The following SMYD3 variants were observed in gnomAD, a reference collection of about 807,000 sequenced individuals.
The protein encoded by SMYD3 is histone-lysine N-methyltransferase SMYD3.
SMYD3 carries 36 observed loss-of-function variants against 57.7 expected under a neutral mutation model. The ratio of observed to expected loss-of-function variants is 0.62; its 90% CI spans 0.48 to 0.82. The LOEUF (loss-of-function observed/expected upper bound fraction) is 0.82, where lower values mean the gene tolerates loss of function less well. Ranked by LOEUF, SMYD3 falls within the 40% of genes least tolerant of loss-of-function variation. The pLI is 0.00. For missense variants in SMYD3, 515 were observed against 538.8 expected (o/e 0.96, Z 0.44); for synonymous variants, 211 against 195.0 (o/e 1.08, Z -0.68).
At position 246,125,081 on chromosome 1, in the gene SMYD3, A is replaced by ACACAC. The variant is rs1263823647; in HGVS notation, c.532-195145_532-195144insGTGTG. On this transcript the variant is annotated intron_variant, in intron 5 of 11. Coordinates refer to ENST00000490107, the MANE Select transcript of SMYD3 (RefSeq NM_001167740.2). ...AGCGAGACTCCGTCTCAAAAAAAAA[A>ACACAC]AAAAAAACACACACACACACACACA... is the stretch of plus-strand genomic sequence containing the variant. Among the ~76,000 whole-genome samples, 172 of 109,622 alleles carry ACACAC rather than the reference A, an allele frequency of 1.6e-3. 1 individual carries two copies. The highest frequency in any genetic ancestry group is 4.4e-3 in the African/African-American group (163 of 37,292). 71.9% of individuals were successfully genotyped at this position (109,622 alleles called of 152,430 possible). A position where few individuals can be genotyped will look rare whatever the true frequency, so the allele number is the denominator to read the frequency against.
rs1407001743 is a variant in SMYD3, at chr1:246,312,187, G to C, written c.531+15014C>G. Among the ~76,000 whole-genome samples the C allele has an allele frequency of 2.0e-5, 3 of 152,260 alleles. No individual in the cohort carries two copies. The East Asian group carries it at 5.8e-4, about 29-fold the overall frequency. ...AACGTGGCATGAGATGAAGCTTGCA[G>C]GGTCCTCAAATGCCATACTTAAAAG... On this transcript the variant is annotated intron_variant, in intron 5 of 11. Coordinates refer to ENST00000490107, the MANE Select transcript of SMYD3 (RefSeq NM_001167740.2).
chr1:246,057,588 A>C (rs1320910200), intron 5 of SMYD3, among the ~76,000 whole-genome samples: 1 of 152,228 alleles, frequency 6.6e-6, no homozygotes, highest in Non-Finnish European at 1.5e-5. Context: ...CCAAATCCGG[A>C]ACACTGATAA....
intron 5 of SMYD3, among the ~76,000 whole-genome samples, chr1:246,283,669 AG>A (rs2064498578): frequency 6.6e-6 from 1 of 152,258 alleles, no homozygotes; most frequent in Non-Finnish European, 1.5e-5. Flanking sequence ...TGCTTCTGTG[AG>A]ACCAGAAGAA....
intron 1 of SMYD3, among the ~76,000 whole-genome samples, chr1:246,479,502 A>ATTTTTTT (rs35818746): frequency 9.3e-5 from 10 of 107,600 alleles, no homozygotes; most frequent in East Asian, 2.7e-4. Flanking sequence ...AAAAAGCGGG[A>ATTTTTTT]TTTTTTTTTT....
At chr1:246,116,022 C>T (rs1327031641) in intron 5 of SMYD3, among the ~76,000 whole-genome samples, 1 of 152,074 alleles carries the variant, frequency 6.6e-6, no homozygotes, top group East Asian at 1.9e-4. Context: ...GCCTGTAATC[C>T]CAAGCTACTT....
At chr1:246,255,983 T>TAGATAGACAGAC (rs1558354035) in intron 5 of SMYD3, among the ~76,000 whole-genome samples, 16 of 138,112 alleles carry the variant, frequency 1.2e-4, no homozygotes, top group South Asian at 7.6e-4. Flanking sequence ...GATAGATAGA[T>TAGATAGACAGAC]AGATACACAC....
intron 5 of SMYD3, among the ~76,000 whole-genome samples, chr1:246,179,546 G>A (rs532933732): frequency 5.9e-5 from 9 of 152,232 alleles, no homozygotes; most frequent in Admixed American, 5.9e-4. Context: ...TTTCTTATGA[G>A]ACAGCTGATT....
At chr1:245,879,052 C>T (rs1012809225) in intron 8 of SMYD3, among the ~76,000 whole-genome samples, 5 of 152,138 alleles carry the variant, frequency 3.3e-5, no homozygotes, top group African/African-American at 1.2e-4. Flanking sequence ...ATCTGAGAAC[C>T]GCTTGCCCAT....
intron 10 of SMYD3, among the ~76,000 whole-genome samples, chr1:245,845,852 C>T (rs570981452): frequency 2.0e-5 from 3 of 152,320 alleles, no homozygotes; most frequent in African/African-American, 7.2e-5. Context: ...GTACAGTGGA[C>T]ATCTATTCTT....
chr1:246,323,388 G>A (rs2065282874), intron 5 of SMYD3, among the ~76,000 whole-genome samples: 1 of 152,152 alleles, frequency 6.6e-6, no homozygotes, highest in Non-Finnish European at 1.5e-5. Context: ...AAATTTTCCA[G>A]GTAAAATTAA....
At chr1:246,060,319 T>A (rs75533901) in intron 5 of SMYD3, among the ~76,000 whole-genome samples, 1 of 151,364 alleles carries the variant, frequency 6.6e-6, no homozygotes, top group Non-Finnish European at 1.5e-5. Flanking sequence ...TTTTTTTTTT[T>A]AAACATTATA....
chr1:246,139,449 T>G (rs1433950956), intron 5 of SMYD3, among the ~76,000 whole-genome samples: 1 of 152,218 alleles, frequency 6.6e-6, no homozygotes, highest in Non-Finnish European at 1.5e-5. Flanking sequence ...TAACACACTT[T>G]CATTTCTCAA....
At chr1:246,279,275 C>A (rs553163087) in intron 5 of SMYD3, among the ~76,000 whole-genome samples, 1 of 152,174 alleles carries the variant, frequency 6.6e-6, no homozygotes, top group Non-Finnish European at 1.5e-5. Context: ...AATCCCAGCA[C>A]TCTGGGAGGC....
intron 10 of SMYD3, among the ~76,000 whole-genome samples, chr1:245,828,036 C>T (rs1228135152): frequency 6.6e-6 from 1 of 152,116 alleles, no homozygotes; most frequent in Non-Finnish European, 1.5e-5. Flanking sequence ...GAAAGTACTA[C>T]CTTTTTATTT....
At chr1:246,406,500 A>G (rs1332114098) in intron 1 of SMYD3, among the ~76,000 whole-genome samples, 4 of 152,178 alleles carry the variant, frequency 2.6e-5, no homozygotes, top group African/African-American at 9.7e-5. Context: ...TTGTAGTTTA[A>G]TAATTTCCTT....
At chr1:246,219,146 C>T (rs1292377577) in intron 5 of SMYD3, among the ~76,000 whole-genome samples, 1 of 152,154 alleles carries the variant, frequency 6.6e-6, no homozygotes, top group Non-Finnish European at 1.5e-5. Context: ...ACCCCACCTT[C>T]AAGCCTCAAA....
intron 1 of SMYD3, among the ~76,000 whole-genome samples, chr1:246,502,311 T>C (rs2068468752): frequency 6.6e-6 from 1 of 152,056 alleles, no homozygotes; most frequent in Admixed American, 6.5e-5. Context: ...TTTGTATTTT[T>C]AGTAGAGACA....
intron 5 of SMYD3, among the ~76,000 whole-genome samples, chr1:246,243,393 A>G (rs1433305512): frequency 9.6e-6 from 1 of 103,752 alleles, no homozygotes; most frequent in African/African-American, 3.4e-5. Flanking sequence ...AAATCATGTG[A>G]TTCAACACAT....
intron 5 of SMYD3, among the ~76,000 whole-genome samples, chr1:246,249,220 CAGCCTTCCAAGT>C (rs1430323884): frequency 2.8e-4 from 43 of 152,248 alleles, no homozygotes; most frequent in Non-Finnish European, 5.9e-4. Context: ...TCTCCCGCCT[CAGCCTTCCAAGT>C]AGCTGGGAGT....
Sources: allele counts gnomAD v4.1 joint callset (sites outside exome capture counted in the v4.1 genomes callset), GRCh38; gene constraint gnomAD v4.1.1; transcripts MANE v1.5; gene names NCBI Gene and HGNC (gene_info 2026-07-23, HGNC 2026-07-21).